EPAS1: variants seen among roughly 807,000 people sequenced by gnomAD.
EPAS1 encodes the protein endothelial PAS domain protein 1.
Under a neutral mutation model 87.9 loss-of-function variants are expected in EPAS1, and 23 were observed. That is an observed-to-expected ratio of 0.26 (90% confidence interval 0.19 to 0.37). EPAS1 has a LOEUF of 0.37. Ranked by LOEUF, EPAS1 falls within the 10% of genes least tolerant of loss-of-function variation. The probability of loss-of-function intolerance (pLI) is 1.00; values close to 1 mark genes in which losing one functional copy is unlikely to be tolerated. For missense variants in EPAS1, 1,138 were observed against 1,120.7 expected, an observed-to-expected ratio of 1.02 and a Z score of -0.22; for synonymous variants, 508 against 444.3, an observed-to-expected ratio of 1.14 and a Z score of -1.80.
At chr2:46,356,688 T>A (rs760887233) in intron 3 of EPAS1, 36 bp from the exon 4 acceptor site, 1 of 1,516,408 alleles carries the variant, frequency 6.6e-7, no homozygotes. Context: ...ACTTCACTGT[T>A]AGGAATAATG....
chr2:46,346,942 G>A lies in EPAS1; in HGVS notation c.96G>A (p.Glu32=), dbSNP rs772679458. 6.2e-6 allele frequency: 10 copies of A among 1,614,218 alleles called. No individual in the cohort carries two copies. Among genetic ancestry groups the A allele is most frequent in the African/African-American group, 1.3e-5 (1 of 75,044 alleles). ...GGTGCCGGCGGAGCAAGGAGACGGA[G>A]GTGTTCTATGAGCTGGCCCATGAGC... ...AARCRRSKET[E]VFYELAHELP... Residue 32 remains glutamate, a synonymous_variant, in exon 2 of 16, where the codon GAG becomes GAA. Transcript: ENST00000263734. The surrounding 1 kb of genome is among the most constrained non-coding windows in gnomAD (Gnocchi z 4.0).
At chr2:46,330,783 C>T (rs1683658788) in intron 1 of EPAS1, among the ~76,000 whole-genome samples, 1 of 152,152 alleles carries the variant, frequency 6.6e-6, no homozygotes, top group East Asian at 1.9e-4. Context: ...GAGTTCAGCC[C>T]CTGTTGGCAA....
intron 11 of EPAS1, chr2:46,379,749 C>T (rs1441272073): frequency 1.4e-5 from 3 of 212,676 alleles, no homozygotes; most frequent in Middle Eastern, 1.9e-3. Context: ...TGTTACTCTG[C>T]GAGAGTCCAC....
chr2:46,366,816 A>T (rs1684511924), intron 6 of EPAS1, among the ~76,000 whole-genome samples: 1 of 152,242 alleles, frequency 6.6e-6, no homozygotes, highest in African/African-American at 2.4e-5. Flanking sequence ...GCCTGGGGGA[A>T]ATGAGCGGGG....
chr2:46,346,848 G>T lies in EPAS1; in HGVS notation c.27-25G>T, dbSNP rs756157365. ...GATAGGCTGACAGTAACCTTTCCGG[G>T]ACTAACCCCTTCTTCTCCACTTAGG... On this transcript the variant is annotated intron_variant, in intron 1 of 15. Coordinates refer to ENST00000263734, the MANE Select transcript of EPAS1 (RefSeq NM_001430.5). The surrounding 1 kb of genome is among the most constrained non-coding windows in gnomAD (Gnocchi z 4.0). 19 of 1,613,686 alleles carry T rather than the reference G, an allele frequency of 1.2e-5. No individual in the cohort carries two copies. Among genetic ancestry groups the T allele is most frequent in the Non-Finnish European group, 7.6e-6 (9 of 1,179,818 alleles).
At chr2:46,332,823 G>A (rs1473603318) in intron 1 of EPAS1, among the ~76,000 whole-genome samples, 1 of 152,144 alleles carries the variant, frequency 6.6e-6, no homozygotes, top group South Asian at 2.1e-4. Context: ...TGTGAGGTGA[G>A]GGCTCTGGGC....
intron 8 of EPAS1, among the ~76,000 whole-genome samples, chr2:46,376,051 G>A (rs112870197): frequency 0.011 from 1,631 of 152,122 alleles, 14 homozygotes; most frequent in Non-Finnish European, 0.018. Context: ...TTTTTTCTGC[G>A]CTTTCCCTGG....
At chr2:46,332,336 C>T (rs541093634) in intron 1 of EPAS1, among the ~76,000 whole-genome samples, 14 of 95,250 alleles carry the variant, frequency 1.5e-4, no homozygotes, top group African/African-American at 4.8e-4. Flanking sequence ...GTGTGTGTAT[C>T]AACTTGTTTT....
intron 2 of EPAS1, among the ~76,000 whole-genome samples, chr2:46,350,968 T>C (rs897115771): frequency 6.6e-6 from 1 of 152,218 alleles, no homozygotes; most frequent in African/African-American, 2.4e-5. Flanking sequence ...TAAGGCTTGA[T>C]ATGACCTTTC....
intron 1 of EPAS1, among the ~76,000 whole-genome samples, chr2:46,304,857 A>G (rs973328756): frequency 6.6e-6 from 1 of 152,200 alleles, no homozygotes; most frequent in Admixed American, 6.5e-5. Flanking sequence ...GAAGGAAAGA[A>G]TGGATAGGGG....
rs769348109 is a variant in EPAS1 at position 46,361,044 on chromosome 2, C to A, written c.733C>A (p.Leu245Met). 6 of 1,614,046 alleles carry A rather than the reference C, an allele frequency of 3.7e-6. No individual in the cohort carries two copies. The highest frequency in any genetic ancestry group is 5.1e-6 in the Non-Finnish European group (6 of 1,180,034). Residue 245 changes from leucine to methionine, a missense_variant, in exon 6 of 16, where the codon CTG (leucine) becomes ATG (methionine). Leu to Met is a conservative substitution (Grantham distance 15). Coordinates refer to ENST00000263734, the MANE Select transcript of EPAS1 (RefSeq NM_001430.5). Reference protein sequence around the residue: ...MDIPLDSKTFLSRHSMDMKFT... With the variant: ...MDIPLDSKTFMSRHSMDMKFT... ...CATCCCCCTGGATAGCAAGACCTTCCTGAGCCGCCACAGCATGGACATGAA... is the reference window on the plus strand; with the variant it reads ...CATCCCCCTGGATAGCAAGACCTTCATGAGCCGCCACAGCATGGACATGAA...
rs550626353 is a variant in EPAS1 at position 46,305,841 on chromosome 2, G to A, written c.26+7904G>A. ...AATCAAACACGTGGGCAGGAAAGTG[G>A]ATCCATTATGTTGTACTCATGATTG... is the stretch of plus-strand genomic sequence containing the variant. On this transcript the variant is annotated intron_variant, in intron 1 of 15. Transcript: ENST00000263734. 8.5e-5 allele frequency among the ~76,000 whole-genome samples: 13 copies of A among 152,340 alleles called. No homozygotes were observed. The South Asian group carries it at 2.5e-3, about 29-fold the overall frequency.
chr2:46,317,359 GA>G (rs1255555823), intron 1 of EPAS1, among the ~76,000 whole-genome samples: 3 of 152,174 alleles, frequency 2.0e-5, no homozygotes, highest in African/African-American at 7.2e-5. Flanking sequence ...TTGGAAGTCA[GA>G]ATTACTCCTT....
intron 6 of EPAS1, among the ~76,000 whole-genome samples, chr2:46,361,654 G>T (rs1237525827): frequency 6.6e-6 from 1 of 152,234 alleles, no homozygotes; most frequent in African/African-American, 2.4e-5. Flanking sequence ...AGGAGACACA[G>T]TAGTGATTAA....
chr2:46,347,348 G>A lies in EPAS1; in HGVS notation c.217+285G>A, dbSNP rs1471787729. 5 of 503,262 alleles carry A rather than the reference G, an allele frequency of 9.9e-6. No homozygotes were observed. The highest frequency in any genetic ancestry group is 1.8e-5 in the Non-Finnish European group (5 of 275,842). The allele number at this position is 503,262 out of a possible 1,614,324, so 31.2% of individuals were successfully genotyped here. On this transcript the variant is annotated intron_variant, in intron 2 of 15. Transcript: ENST00000263734. The surrounding 1 kb of genome is among the most constrained non-coding windows in gnomAD (Gnocchi z 4.2). Reference sequence around the variant, plus strand: ...ACACGGGCTGGGAGAACCAAGGACGGCTTTTGCTGACTTCTCAATTTGTTG... The same window carrying A: ...ACACGGGCTGGGAGAACCAAGGACGACTTTTGCTGACTTCTCAATTTGTTG...
In EPAS1 at chr2:46,297,833, C is replaced by A. The variant is rs1366799199; in HGVS notation, c.-79C>A. ...CACCACCCGCCCGGGCCGCGGGGAG[C>A]GGACGAGGGCCACAGCCCCCCACCC... On this transcript the variant is annotated 5_prime_UTR_variant, in exon 1 of 16. Transcript: ENST00000263734. 2.3e-5 allele frequency: 36 copies of A among 1,560,336 alleles called. 1 individual carries two copies. In the South Asian group the frequency reaches 2.7e-4, roughly 12 times the overall value.
At chr2:46,316,328 A>T (rs1330281927) in intron 1 of EPAS1, among the ~76,000 whole-genome samples, 1 of 151,468 alleles carries the variant, frequency 6.6e-6, no homozygotes, top group East Asian at 1.9e-4. Flanking sequence ...GGGCAATCTT[A>T]GCTCACTGCA....
At chr2:46,378,573 G>T in intron 10 of EPAS1, 84 bp from the exon 11 acceptor site, 4 of 1,141,108 alleles carry the variant, frequency 3.5e-6, no homozygotes, top group South Asian at 1.3e-5. Flanking sequence ...TTGGGTCCAG[G>T]AAGGTATTTC....
At chr2:46,364,991 C>T (rs757665222) in intron 6 of EPAS1, among the ~76,000 whole-genome samples, 2 of 152,042 alleles carry the variant, frequency 1.3e-5, no homozygotes, top group African/African-American at 2.4e-5. Context: ...TTCCATTTAC[C>T]CAAAAGGAAG....
Sources: allele counts gnomAD v4.1 joint callset (sites outside exome capture counted in the v4.1 genomes callset), GRCh38; gene constraint gnomAD v4.1.1; non-coding constraint Gnocchi (gnomAD v3.1); transcripts MANE v1.5; gene names NCBI Gene and HGNC (gene_info 2026-07-23, HGNC 2026-07-21).